TMCO4: variants seen among roughly 807,000 people sequenced by gnomAD.
The protein encoded by TMCO4 is transmembrane and coiled-coil domains 4, also known as transmembrane and coiled-coil domain-containing protein 4.
Under a neutral mutation model 64.7 loss-of-function variants are expected in TMCO4, and 58 were observed. That is an observed-to-expected ratio of 0.90 (90% CI 0.73 to 1.12). TMCO4 has a LOEUF of 1.12. Among genes scored for constraint, TMCO4 ranks in the 50% most tolerant of loss-of-function variants. The probability of loss-of-function intolerance (pLI) is 0.00; values close to 1 mark genes in which losing one functional copy is unlikely to be tolerated. For synonymous variants in TMCO4, 325 were observed against 346.1 expected, an observed-to-expected ratio of 0.94 and a Z score of 0.68; for missense variants, 780 against 825.9, an observed-to-expected ratio of 0.94 and a Z score of 0.68.
At chr1:19,789,010 G>A (rs560495990) in intron 2 of TMCO4, among the ~76,000 whole-genome samples, 25 of 151,498 alleles carry the variant, frequency 1.7e-4, no homozygotes, top group African/African-American at 6.1e-4. Flanking sequence ...GGGAGGCGGA[G>A]CTTGCAGTGA....
chr1:19,713,692 C>G (rs1460190282), intron 13 of TMCO4, among the ~76,000 whole-genome samples: 1 of 151,880 alleles, frequency 6.6e-6, no homozygotes, highest in African/African-American at 2.4e-5. Flanking sequence ...GAGTAAGACC[C>G]TGTCTCTAAA....
chr1:19,751,805 TTGGGAGGCCAAGGCGGG>T (rs2042032280), intron 7 of TMCO4, among the ~76,000 whole-genome samples: 1 of 152,162 alleles, frequency 6.6e-6, no homozygotes, highest in Non-Finnish European at 1.5e-5. Context: ...TCCCAGCACT[TTGGGAGGCCAAGGCGGG>T]TGGATCACGA....
At chr1:19,758,216 A>T (rs527895191) in intron 6 of TMCO4, among the ~76,000 whole-genome samples, 1 of 151,864 alleles carries the variant, frequency 6.6e-6, no homozygotes, top group East Asian at 1.9e-4. Flanking sequence ...CCAGAGTGAA[A>T]CAGGGTCTCT....
chr1:19,701,732 G>T (rs568396957), intron 13 of TMCO4, among the ~76,000 whole-genome samples: 3 of 152,234 alleles, frequency 2.0e-5, no homozygotes, highest in African/African-American at 7.2e-5. Context: ...TGGGAAGTGG[G>T]GGGTGAAGAG....
chr1:19,744,984 AGAGGT>A lies in TMCO4; in HGVS notation c.877+543_877+547del, dbSNP rs1336709673. Among the ~76,000 whole-genome samples the A allele has an allele frequency of 3.3e-5, 5 of 151,816 alleles. No homozygotes were observed. The East Asian group carries it at 9.6e-4, about 29-fold the overall frequency. The stretch of plus-strand genomic sequence containing the variant: ...TTTATAAATACCGCTACATGGACAG[AGAGGT>A]GGATGGGTGGATGGATGAACAGATG... On this transcript the variant is annotated intron_variant, in intron 10 of 15. Transcript: ENST00000294543.
chr1:19,722,448 A>G (rs1488650375), intron 13 of TMCO4, among the ~76,000 whole-genome samples: 1 of 152,172 alleles, frequency 6.6e-6, no homozygotes, highest in African/African-American at 2.4e-5. Context: ...TAGATGCGCT[A>G]TTTTATTTTC....
chr1:19,757,336 G>C (rs965512042), intron 6 of TMCO4, among the ~76,000 whole-genome samples: 2 of 152,140 alleles, frequency 1.3e-5, no homozygotes, highest in African/African-American at 4.8e-5. Flanking sequence ...TCCTTGGCTT[G>C]TGGCCCCTCC....
Position 19,718,267 on chromosome 1 carries a change from G to A in TMCO4, c.1265-17382C>T, listed in dbSNP as rs908342371. Among the ~76,000 whole-genome samples the A allele has an allele frequency of 9.2e-5, 14 of 151,888 alleles. No individual in the cohort carries two copies. The South Asian group carries it at 1.0e-3, about 11-fold the overall frequency. The stretch of plus-strand genomic sequence containing the variant: ...GGAGAATCGCTTGAACTCAGGAGGC[G>A]GAGGTTGCAGTGAGCCAAGATCACA... On this transcript the variant is annotated intron_variant, in intron 13 of 15. Transcript: ENST00000294543.
intron 13 of TMCO4, among the ~76,000 whole-genome samples, chr1:19,730,574 T>C (rs375905951): frequency 6.5e-4 from 99 of 152,320 alleles, no homozygotes; most frequent in African/African-American, 2.2e-3. Flanking sequence ...TCTCAACACT[T>C]ATTTGAAAGG....
At chr1:19,755,324 T>A (rs551319083) in intron 7 of TMCO4, among the ~76,000 whole-genome samples, 1 of 152,104 alleles carries the variant, frequency 6.6e-6, no homozygotes, top group Non-Finnish European at 1.5e-5. Context: ...TGGGGTTTTA[T>A]CATGTTGGTC....
intron 14 of TMCO4, among the ~76,000 whole-genome samples, chr1:19,695,525 C>T (rs1453329172): frequency 6.6e-6 from 1 of 152,204 alleles, no homozygotes; most frequent in Non-Finnish European, 1.5e-5. Context: ...GTTATTTTTG[C>T]ACACTGGTTG....
intron 6 of TMCO4, among the ~76,000 whole-genome samples, chr1:19,769,194 C>G (rs1443123979): frequency 6.6e-6 from 1 of 152,184 alleles, no homozygotes; most frequent in Non-Finnish European, 1.5e-5. Flanking sequence ...CCCCTTGCAG[C>G]TGGCGCCAGA....
intron 13 of TMCO4, among the ~76,000 whole-genome samples, chr1:19,712,481 G>C (rs958269000): frequency 6.6e-6 from 1 of 151,888 alleles, no homozygotes; most frequent in Non-Finnish European, 1.5e-5. Context: ...TTAGCCAGGC[G>C]TGGTGGCAGG....
intron 1 of TMCO4, chr1:19,799,255 A>G (rs1009360638): frequency 5.9e-5 from 9 of 152,392 alleles, no homozygotes; most frequent in African/African-American, 1.9e-4. Flanking sequence ...AACTTCAGGC[A>G]TGGGCACCAG....
intron 4 of TMCO4, among the ~76,000 whole-genome samples, chr1:19,775,976 C>T (rs539891036): frequency 5.3e-5 from 8 of 152,258 alleles, no homozygotes; most frequent in South Asian, 2.1e-4. Flanking sequence ...GGCATGATCT[C>T]GACTCACTGC....
At chr1:19,740,679 C>T in intron 11 of TMCO4, 98 bp downstream of exon 11, 1 of 1,383,772 alleles carries the variant, frequency 7.2e-7, no homozygotes, top group Non-Finnish European at 9.9e-7. Context: ...AGCACGGTGC[C>T]TGCCCTGGGG....
intron 14 of TMCO4, among the ~76,000 whole-genome samples, chr1:19,700,306 C>A (rs989600788): frequency 4.6e-5 from 7 of 152,132 alleles, no homozygotes; most frequent in African/African-American, 1.7e-4. Context: ...TAGCACCCTG[C>A]CCTGTCTCCA....
In TMCO4 at chr1:19,716,237, C is replaced by T. The variant is rs796483998; in HGVS notation, c.1265-15352G>A. ...TCTCACACTGTTGTCCAGGCTGGAG[C>T]GCAGTGGCACAATCTCTGCTCACTG... On this transcript the variant is annotated intron_variant, in intron 13 of 15. Transcript: ENST00000294543. Among the ~76,000 whole-genome samples the T allele has an allele frequency of 1.4e-3, 206 of 149,830 alleles. 1 individual carries two copies. Among genetic ancestry groups the T allele is most frequent in the African/African-American group, 4.7e-3 (192 of 41,012 alleles).
chr1:19,690,036 C>A (rs1011348286), intron 15 of TMCO4, among the ~76,000 whole-genome samples: 5 of 152,252 alleles, frequency 3.3e-5, no homozygotes, highest in African/African-American at 1.2e-4. Context: ...CACACTTCCC[C>A]TATTCTGAGC....
Sources: gnomAD v4.1 joint callset for allele counts (sites outside exome capture counted in the v4.1 genomes callset) on GRCh38, gnomAD v4.1.1 for gene constraint, MANE v1.5 for transcripts, NCBI Gene and HGNC (gene_info 2026-07-23, HGNC 2026-07-21) for gene names.